Variants in TOPORS observed in about 807,000 individuals in gnomAD.
The protein encoded by TOPORS is TOP1 binding arginine/serine rich protein, E3 ubiquitin ligase, also known as E3 ubiquitin-protein ligase Topors.
In TOPORS, 25 loss-of-function variants were observed where a neutral mutation model predicts 81.4. The ratio of observed to expected loss-of-function variants is 0.31; its 90% CI spans 0.22 to 0.43. TOPORS has a LOEUF of 0.43. TOPORS is among the 20% of genes least tolerant of loss of function. The pLI is 1.00. For missense variants in TOPORS, 1,101 were observed against 1,267.0 expected (o/e 0.87, Z 1.99); for synonymous variants, 473 against 456.6 (o/e 1.04, Z -0.46).
At chr9:32,548,958 G>A (rs1821179143) in intron 2 of TOPORS, among the ~76,000 whole-genome samples, 1 of 152,112 alleles carries the variant, frequency 6.6e-6, no homozygotes, top group Admixed American at 6.6e-5. Context: ...TTGAAAAACT[G>A]CACAATGATA....
rs922683593 is a variant in TOPORS, at chr9:32,541,383, A to G, written c.*4T>C. The G allele has an allele frequency of 1.2e-6, 2 of 1,614,018 alleles. No homozygotes were observed. Among genetic ancestry groups the G allele is most frequent in the Non-Finnish European group, 1.7e-6 (2 of 1,179,914 alleles). On this transcript the variant is annotated 3_prime_UTR_variant, in exon 3 of 3. Coordinates refer to ENST00000360538, the MANE Select transcript of TOPORS (RefSeq NM_005802.5). ...ATAATTCTCAATGAAATGCTTTGGC[A>G]GTTTTAAGACATATCACAGTCTCTA...
rs762761647 is a variant in TOPORS at position 32,541,451 on chromosome 9, T to C, written c.3074A>G (p.Gln1025Arg). 7.4e-6 allele frequency: 12 copies of C among 1,614,102 alleles called. No homozygotes were observed. The highest frequency in any genetic ancestry group is 9.3e-6 in the Non-Finnish European group (11 of 1,180,030). ...TAATGATGTCCGTGGCGATGGCAAT[T>C]GCCTTGATGGCTCAGTTTGAAGAGA... is the stretch of plus-strand genomic sequence containing the variant. ...IVSLQTEPSR[Q>R]LPSPRTSLMS... The change falls in exon 3 of 3, where the codon CAA (glutamine) becomes CGA (arginine). Residue 1025 changes from glutamine to arginine, a missense_variant. Transcript: ENST00000360538.
chr9:32,544,552 A>G (rs1446545596), intron 2 of TOPORS, among the ~76,000 whole-genome samples: 3 of 152,202 alleles, frequency 2.0e-5, no homozygotes, highest in Non-Finnish European at 4.4e-5. Flanking sequence ...GTTCCACACT[A>G]CCAGCGTGAC....
intron 1 of TOPORS, chr9:32,551,732 T>C: frequency 4.7e-6 from 2 of 425,318 alleles, no homozygotes; most frequent in African/African-American, 2.0e-5. Context: ...CGGGGCTTAG[T>C]ATCTCACGCG....
Position 32,550,771 on chromosome 9 carries a change from C to A in TOPORS, c.198+3G>T. ...GCGTCCCATTGTTCCGAATCTCACT[C>A]ACCTCGGAGGATGCCGGCGCAGGCC... On this transcript the variant is annotated splice_donor_region_variant and intron_variant, in intron 2 of 2. Transcript: ENST00000360538. The A allele has an allele frequency of 1.2e-6, 2 of 1,612,878 alleles. No homozygotes were observed. The highest frequency in any genetic ancestry group is 2.7e-5 in the African/African-American group (2 of 75,040).
At chr9:32,550,116 C>G (rs1821207314) in intron 2 of TOPORS, among the ~76,000 whole-genome samples, 1 of 152,198 alleles carries the variant, frequency 6.6e-6, no homozygotes, top group African/African-American at 2.4e-5. Context: ...CTTAAATAAT[C>G]TTGAAAATTA....
Position 32,542,677 on chromosome 9 carries a change from T to A in TOPORS, c.1848A>T (p.Arg616Ser), listed in dbSNP as rs753284944. ...SRSGHDQKNH[R>S]KHHGKKRMKS... is the part of the protein sequence containing the mutation. ...TCATTCTTTTCTTCCCATGATGCTT[T>A]CTATGATTCTTCTGATCATGCCCAC... The change falls in exon 3 of 3, where the codon AGA (arginine) becomes AGT (serine). Residue 616 changes from arginine to serine, a missense_variant. Transcript: ENST00000360538. The A allele has an allele frequency of 1.2e-6, 2 of 1,614,098 alleles. No homozygotes were observed. Among genetic ancestry groups the A allele is most frequent in the South Asian group, 2.2e-5 (2 of 91,086 alleles).
chr9:32,550,712 G>A (rs1371871325), intron 2 of TOPORS, 62 bp downstream of exon 2: 4 of 1,583,206 alleles, frequency 2.5e-6, no homozygotes, highest in East Asian at 2.2e-5. Flanking sequence ...CGCTCCAGGC[G>A]GGAGCGCCAA....
chr9:32,546,533 C>T (rs1388799691), intron 2 of TOPORS, among the ~76,000 whole-genome samples: 2 of 152,100 alleles, frequency 1.3e-5, no homozygotes, highest in African/African-American at 4.8e-5. Context: ...AAAAAAGACC[C>T]GTGAATTCCA....
intron 2 of TOPORS, 100 bp downstream of exon 2, chr9:32,550,674 T>A: frequency 7.0e-7 from 1 of 1,425,132 alleles, no homozygotes; most frequent in Non-Finnish European, 9.8e-7. Flanking sequence ...CCGCAGGCCA[T>A]GACCGCAACC....
chr9:32,542,496 G>C lies in TOPORS; in HGVS notation c.2029C>G (p.His677Asp), dbSNP rs1262141253. 1 of 1,613,804 alleles carries C rather than the reference G, an allele frequency of 6.2e-7. No homozygotes were observed. The highest frequency in any genetic ancestry group is 8.5e-7 in the Non-Finnish European group (1 of 1,180,004). ...CTGCTCCGTGATCTTCTTTTACCAT[G>C]ATCACTGCTACGAGACCTTGATCTG... Reference protein sequence around the residue: ...TSRSRSRSSDHGKRRSRSRNR... With the variant: ...TSRSRSRSSDDGKRRSRSRNR... The change falls in exon 3 of 3, where the codon CAT (histidine) becomes GAT (aspartate). Residue 677 changes from histidine (H) to aspartate (D), a missense_variant. Physicochemically the swap from His to Asp is moderately conservative, Grantham distance 81. Transcript: ENST00000360538.
Position 32,541,734 on chromosome 9 carries a change from GACC to G in TOPORS, c.2788_2790del (p.Gly930del). 1 of 1,614,128 alleles carries G rather than the reference GACC, an allele frequency of 6.2e-7. No individual in the cohort carries two copies. The highest frequency in any genetic ancestry group is 8.5e-7 in the Non-Finnish European group (1 of 1,180,028). ...AACTCATTTTGTAGAGGGTCTTGAG[GACC>G]ACTATTGTCACATTCTGTATCCTCC... On this transcript the variant is annotated inframe_deletion, in exon 3 of 3. Transcript: ENST00000360538.
intron 2 of TOPORS, among the ~76,000 whole-genome samples, chr9:32,550,091 T>G (rs556573121): frequency 6.6e-6 from 1 of 152,230 alleles, no homozygotes; most frequent in Non-Finnish European, 1.5e-5. Flanking sequence ...CTTGGGCAGC[T>G]GTTTCTTAAT....
At chr9:32,546,783 G>A (rs1243595235) in intron 2 of TOPORS, among the ~76,000 whole-genome samples, 1 of 152,116 alleles carries the variant, frequency 6.6e-6, no homozygotes, top group East Asian at 1.9e-4. Context: ...ACAGTAAAAG[G>A]TGAATGAATG....
At chr9:32,551,139 C>G (rs2118982422) in intron 1 of TOPORS, 171 bp from the exon 2 acceptor site, 1 of 781,750 alleles carries the variant, frequency 1.3e-6, no homozygotes, top group East Asian at 2.7e-5. Context: ...AAATGCGGCC[C>G]CTCCCCCGCC....
intron 2 of TOPORS, among the ~76,000 whole-genome samples, chr9:32,548,361 TAA>T (rs756384791): frequency 3.7e-4 from 56 of 150,702 alleles, no homozygotes; most frequent in Non-Finnish European, 6.7e-4. Context: ...CGGTCTCTAC[TAA>T]AAACACAAAA....
chr9:32,542,534 C>A lies in TOPORS; in HGVS notation c.1991G>T (p.Ser664Ile). ...AGACCTTGATCTGCTTGTGCTTTCA[C>A]TACTTAGAGACAGAGTTTGGCTTCT... ...SRRSQTLSLS[S>I]ESTSRSRSRS... is the part of the protein sequence containing the mutation. Residue 664 changes from serine to isoleucine, a missense_variant, in exon 3 of 3, where the codon AGT (serine) becomes ATT (isoleucine). Coordinates refer to ENST00000360538, the MANE Select transcript of TOPORS (RefSeq NM_005802.5). 1 of 1,614,120 alleles carries A rather than the reference C, an allele frequency of 6.2e-7. No homozygotes were observed. Among genetic ancestry groups the A allele is most frequent in the Non-Finnish European group, 8.5e-7 (1 of 1,180,032 alleles).
intron 2 of TOPORS, among the ~76,000 whole-genome samples, chr9:32,548,744 T>C (rs138962733): frequency 1.3e-5 from 2 of 152,186 alleles, no homozygotes; most frequent in East Asian, 1.9e-4. Context: ...GTCTCCCAAA[T>C]CCTAAATGAA....
At position 32,543,355 on chromosome 9, in the gene TOPORS, T is replaced by A. The variant is rs763061457; in HGVS notation, c.1170A>T (p.Ser390=). ...CCTCATCTGGAGATATTGTTATGAC[T>A]GAAGAATCAGAATGGCTGCCTTCTT... The part of the protein sequence containing the change: ...SYEEGSHSDS[S]VITISPDEAE... Residue 390 remains serine, a synonymous_variant, in exon 3 of 3, where the codon TCA becomes TCT. Coordinates refer to ENST00000360538, the MANE Select transcript of TOPORS (RefSeq NM_005802.5). This position sits in a 1 kb window ranked among gnomAD's most constrained non-coding sequence, Gnocchi z 5.6. 76 of 1,614,030 alleles carry A rather than the reference T, an allele frequency of 4.7e-5. No individual in the cohort carries two copies. The highest frequency in any genetic ancestry group is 6.0e-5 in the Non-Finnish European group (71 of 1,180,004).
Sources: gnomAD v4.1 joint callset for allele counts (sites outside exome capture counted in the v4.1 genomes callset) on GRCh38, gnomAD v4.1.1 for gene constraint, Gnocchi (gnomAD v3.1) non-coding constraint, MANE v1.5 for transcripts, NCBI Gene and HGNC (gene_info 2026-07-23, HGNC 2026-07-21) for gene names.